Variants in TBX21 observed in about 807,000 individuals in gnomAD.
The protein encoded by TBX21 is T-box transcription factor 21.
TBX21 carries 11 observed loss-of-function variants against 52.2 expected under a neutral mutation model. That is an observed-to-expected ratio of 0.21 (90% CI 0.13 to 0.35). TBX21 has a LOEUF of 0.35. Among genes scored for constraint, TBX21 ranks in the 10% least tolerant of loss-of-function variants. TBX21 has a pLI of 1.00. For missense variants in TBX21, 625 were observed against 755.1 expected (o/e 0.83, Z 2.02); for synonymous variants, 300 against 316.1 (o/e 0.95, Z 0.54).
chr17:47,745,438 A>G lies in TBX21; in HGVS notation c.*72A>G, dbSNP rs2032323354. On this transcript the variant is annotated 3_prime_UTR_variant, in exon 6 of 6. Transcript: ENST00000177694. ...GGACACCGACTAATTTGGGAAACGG[A>G]TGAAGGACTGAGAAGGCCCCCGCTC... 7 of 1,516,360 alleles carry G rather than the reference A, an allele frequency of 4.6e-6. No individual in the cohort carries two copies. Among genetic ancestry groups the G allele is most frequent in the Non-Finnish European group, 8.8e-7 (1 of 1,137,268 alleles). The allele number at this position is 1,516,360 out of a possible 1,614,324, so 93.9% of individuals were successfully genotyped here.
chr17:47,744,033 G>T (rs1008166513), intron 3 of TBX21, among the ~76,000 whole-genome samples, 162 bp from the exon 4 acceptor site: 2 of 152,182 alleles, frequency 1.3e-5, no homozygotes, highest in Non-Finnish European at 2.9e-5. Flanking sequence ...GGACACTGGA[G>T]TTGGAAAGCT....
In TBX21 at chr17:47,742,328, C is replaced by T. The variant is rs973142521; in HGVS notation, c.492-282C>T. On this transcript the variant is annotated intron_variant, in intron 1 of 5. Coordinates refer to ENST00000177694, the MANE Select transcript of TBX21 (RefSeq NM_013351.2). The surrounding 1 kb of genome is among the most constrained non-coding windows in gnomAD (Gnocchi z 4.4). ...AACTCCTGACCTCAGGTGATCCGCC[C>T]GCCTTGGCCTCTCAAAGTGCTGGGA... is the stretch of plus-strand genomic sequence containing the variant. Among the ~76,000 whole-genome samples the T allele has an allele frequency of 4.6e-5, 7 of 152,274 alleles. No individual in the cohort carries two copies. In the East Asian group the frequency reaches 1.4e-3, roughly 29 times the overall value.
At chr17:47,736,401 G>A (rs1460538997) in intron 1 of TBX21, among the ~76,000 whole-genome samples, 1 of 151,988 alleles carries the variant, frequency 6.6e-6, no homozygotes, top group African/African-American at 2.4e-5. Flanking sequence ...TAAAATGAAT[G>A]CATTACCATT....
chr17:47,737,775 G>C (rs996583055), intron 1 of TBX21, among the ~76,000 whole-genome samples: 2 of 151,948 alleles, frequency 1.3e-5, no homozygotes, highest in African/African-American at 4.8e-5. Flanking sequence ...ACAGGCAGAA[G>C]CCACCAAGCC....
chr17:47,739,120 G>A (rs2032239988), intron 1 of TBX21, among the ~76,000 whole-genome samples: 1 of 152,112 alleles, frequency 6.6e-6, no homozygotes, highest in South Asian at 2.1e-4. Flanking sequence ...AGGGTGGGAT[G>A]GTAAGTGGCC....
Position 47,744,798 on chromosome 17 carries a change from G to A in TBX21, c.1040G>A (p.Cys347Tyr). 3 of 1,614,140 alleles carry A rather than the reference G, an allele frequency of 1.9e-6. No individual in the cohort carries two copies. Among genetic ancestry groups the A allele is most frequent in the Non-Finnish European group, 2.5e-6 (3 of 1,180,004 alleles). ...ATCCCCTCCCCGCCTGGACCCAACT[G>A]TCAATTCCTTGGGGGAGATCACTAC... ...TSIPSPPGPN[C>Y]QFLGGDHYSP... Residue 347 changes from cysteine (C) to tyrosine (Y), a missense_variant, in exon 6 of 6, where the codon TGT becomes TAT. By Grantham distance (194) the Cys-to-Tyr change is radical (BLOSUM62 -2). Around this residue, in one of 4 missense-constraint regions of TBX21, gnomAD observed 261 missense variants for 275.1 expected, o/e 0.95. Transcript: ENST00000177694.
chr17:47,738,664 G>A (rs1172053894), intron 1 of TBX21, among the ~76,000 whole-genome samples: 1 of 151,422 alleles, frequency 6.6e-6, no homozygotes, highest in Non-Finnish European at 1.5e-5. Context: ...GCAGTGGCAT[G>A]ATCTCTGCTC....
chr17:47,743,251 T>C (rs747321420), intron 3 of TBX21, 59 bp downstream of exon 3: 22 of 1,599,392 alleles, frequency 1.4e-5, no homozygotes, highest in Non-Finnish European at 1.8e-5. Context: ...GTCTGAGACC[T>C]CCAAGGCCAC....
At chr17:47,744,403 T>C (rs758004744) in intron 4 of TBX21, 50 bp downstream of exon 4, 1 of 1,613,926 alleles carries the variant, frequency 6.2e-7, no homozygotes, top group East Asian at 2.2e-5. Flanking sequence ...TGGGGCCCAC[T>C]GTCTTCCTTG....
At position 47,733,438 on chromosome 17, in the gene TBX21, G is replaced by A; in HGVS notation, c.-17G>A. The A allele has an allele frequency of 6.8e-7, 1 of 1,479,158 alleles. No individual in the cohort carries two copies. Among genetic ancestry groups the A allele is most frequent in the Non-Finnish European group, 8.9e-7 (1 of 1,122,332 alleles). The allele number at this position is 1,479,158 out of a possible 1,614,324, so 91.6% of individuals were successfully genotyped here. Reference sequence around the variant, plus strand: ...GCGGGTCCTCGACGGCTACGGGAAGGTGCCAGCCCGCCCCGGATGGGCATC... The same window carrying A: ...GCGGGTCCTCGACGGCTACGGGAAGATGCCAGCCCGCCCCGGATGGGCATC... On this transcript the variant is annotated 5_prime_UTR_variant, in exon 1 of 6. The change creates a new upstream start codon in the 5' untranslated region. Transcript: ENST00000177694. The surrounding 1 kb of genome is among the most constrained non-coding windows in gnomAD (Gnocchi z 6.6).
intron 1 of TBX21, among the ~76,000 whole-genome samples, chr17:47,738,831 C>T (rs1319253301): frequency 6.6e-6 from 1 of 152,066 alleles, no homozygotes; most frequent in Non-Finnish European, 1.5e-5. Context: ...AAACTCCTGA[C>T]CTCAGGTGAT....
At position 47,745,491 on chromosome 17, in the gene TBX21, G is replaced by T; in HGVS notation, c.*125G>T. The T allele has an allele frequency of 7.2e-7, 1 of 1,381,860 alleles. No homozygotes were observed. The highest frequency in any genetic ancestry group is 9.6e-7 in the Non-Finnish European group (1 of 1,036,884). The allele number at this position is 1,381,860 out of a possible 1,614,324, so 85.6% of individuals were successfully genotyped here. On this transcript the variant is annotated 3_prime_UTR_variant, in exon 6 of 6. Transcript: ENST00000177694. ...TCTGGCCCTTCTCTGTTTAGTAGTT[G>T]GTTGGGGAAGTGGGGCTCAAGAAGG...
At position 47,733,376 on chromosome 17, in the gene TBX21, C is replaced by A; in HGVS notation, c.-79C>A. Reference sequence around the variant, plus strand: ...GGGTCCCCCGCCCCCTGCTCCCTGCCCATCCCAGCCCACGCGACCCTCTCG... The same window carrying A: ...GGGTCCCCCGCCCCCTGCTCCCTGCACATCCCAGCCCACGCGACCCTCTCG... On this transcript the variant is annotated 5_prime_UTR_variant, in exon 1 of 6. Coordinates refer to ENST00000177694, the MANE Select transcript of TBX21 (RefSeq NM_013351.2). This position sits in a 1 kb window ranked among gnomAD's most constrained non-coding sequence, Gnocchi z 6.6. 1 of 1,380,814 alleles carries A rather than the reference C, an allele frequency of 7.2e-7. No individual in the cohort carries two copies. The highest frequency in any genetic ancestry group is 3.1e-5 in the East Asian group (1 of 32,190). 85.5% of individuals were successfully genotyped at this position (1,380,814 alleles called of 1,614,324 possible).
At chr17:47,744,153 T>C (rs764276694) in intron 3 of TBX21, 42 bp from the exon 4 acceptor site, 21 of 1,599,818 alleles carry the variant, frequency 1.3e-5, no homozygotes, top group East Asian at 2.2e-5. Flanking sequence ...ATCCTCGAAA[T>C]CCTTCCTCCC....
intron 3 of TBX21, among the ~76,000 whole-genome samples, chr17:47,743,652 C>T (rs949793470): frequency 2.0e-5 from 3 of 151,914 alleles, no homozygotes; most frequent in Non-Finnish European, 2.9e-5. Context: ...GAGGCCAAGG[C>T]GGGTGGATCA....
rs765349482 is a variant in TBX21, at chr17:47,744,189, C to CT, written c.769-5dup. 6.2e-7 allele frequency: 1 copy of CT among 1,614,082 alleles called. No individual in the cohort carries two copies. The highest frequency in any genetic ancestry group is 1.7e-5 in the Admixed American group (1 of 60,024). ...CACCCCTACAACCGTCTTGCTCTGT[C>CT]TACAGATGATTGTGCTCCAGTCCCT... On this transcript the variant is annotated splice_region_variant and splice_polypyrimidine_tract_variant and intron_variant, in intron 3 of 5. Transcript: ENST00000177694.
intron 5 of TBX21, 31 bp downstream of exon 5, chr17:47,744,574 G>T (rs1415482347): frequency 1.2e-6 from 2 of 1,613,890 alleles, no homozygotes; most frequent in Non-Finnish European, 1.7e-6. Flanking sequence ...CTCAGCTTTG[G>T]TCCCTCCTGA....
Position 47,733,599 on chromosome 17 carries a change from C to A in TBX21, c.145C>A (p.Arg49Ser). ...EPGAQDADER[R>S]GGGSLGSPYP... ...GGGCGCGCAGGACGCGGACGAGCGT[C>A]GCGGGGGCGGCAGCCTGGGGTCTCC... The change falls in exon 1 of 6, where the codon CGC becomes AGC. Residue 49 changes from arginine (R) to serine (S), a missense_variant. Transcript: ENST00000177694. The surrounding 1 kb of genome is among the most constrained non-coding windows in gnomAD (Gnocchi z 6.6). 1 of 1,451,738 alleles carries A rather than the reference C, an allele frequency of 6.9e-7. No homozygotes were observed. The highest frequency in any genetic ancestry group is 9.0e-7 in the Non-Finnish European group (1 of 1,110,506). 89.9% of individuals were successfully genotyped at this position (1,451,738 alleles called of 1,614,324 possible). A position where few individuals can be genotyped will look rare whatever the true frequency, so the allele number is the denominator to read the frequency against.
At chr17:47,738,897 G>T (rs540077312) in intron 1 of TBX21, among the ~76,000 whole-genome samples, 1 of 152,148 alleles carries the variant, frequency 6.6e-6, no homozygotes, top group African/African-American at 2.4e-5. Flanking sequence ...CACCACGCCG[G>T]GCCAATATTA....
Sources: gnomAD v4.1 joint callset for allele counts (sites outside exome capture counted in the v4.1 genomes callset) on GRCh38, gnomAD v4.1.1 for gene constraint, gnomAD v4.1.1 regional missense constraint, Gnocchi (gnomAD v3.1) non-coding constraint, MANE v1.5 for transcripts, NCBI Gene and HGNC (gene_info 2026-07-23, HGNC 2026-07-21) for gene names.